MYO7B: variants seen among roughly 807,000 people sequenced by gnomAD.
The protein encoded by MYO7B is myosin VIIB.
In MYO7B, 212 loss-of-function variants were observed where a neutral mutation model predicts 259.7. The observed-to-expected ratio is 0.82, with a 90% confidence interval of 0.73 to 0.91. The LOEUF (loss-of-function observed/expected upper bound fraction) is 0.91, where lower values mean the gene tolerates loss of function less well. Among genes scored for constraint, MYO7B ranks in the 40% least tolerant of loss-of-function variants. The pLI, the probability that MYO7B is intolerant of heterozygous loss-of-function variation, is 0.00. For missense variants in MYO7B, 2,732 were observed against 2,813.5 expected, an observed-to-expected ratio of 0.97 and a Z score of 0.66; for synonymous variants, 1,197 against 1,166.4, an observed-to-expected ratio of 1.03 and a Z score of -0.54.
rs1366599523 is a variant in MYO7B at position 127,628,669 on chromosome 2, T to C, written c.4624+134T>C. The stretch of plus-strand genomic sequence containing the variant: ...GCAGAGGGAGGGAAGGCCCCAAAGC[T>C]CTGTGGGGGCAGCTTTAGGCAAGGC... On this transcript the variant is annotated intron_variant, in intron 34 of 47. Transcript: ENST00000409816. The surrounding 1 kb of genome is among the most constrained non-coding windows in gnomAD (Gnocchi z 4.8). 2.1e-6 allele frequency: 2 copies of C among 970,100 alleles called. No homozygotes were observed. Among genetic ancestry groups the C allele is most frequent in the Non-Finnish European group, 3.0e-6 (2 of 665,796 alleles). 60.1% of individuals were successfully genotyped at this position (970,100 alleles called of 1,614,324 possible). A position where few individuals can be genotyped will look rare whatever the true frequency, so the allele number is the denominator to read the frequency against.
At chr2:127,579,721 G>A (rs1332438868) in intron 9 of MYO7B, among the ~76,000 whole-genome samples, 1 of 152,122 alleles carries the variant, frequency 6.6e-6, no homozygotes, top group Non-Finnish European at 1.5e-5. Flanking sequence ...GAGTAGCTGG[G>A]ATTACAGGGG....
intron 15 of MYO7B, among the ~76,000 whole-genome samples, chr2:127,589,450 G>C (rs1679456605): frequency 6.6e-6 from 1 of 151,356 alleles, no homozygotes; most frequent in Admixed American, 6.6e-5. Context: ...GGGGGGTCCA[G>C]AGTTTAGATA....
intron 26 of MYO7B, among the ~76,000 whole-genome samples, chr2:127,616,997 T>C (rs796733095): frequency 2.6e-5 from 4 of 152,344 alleles, no homozygotes; most frequent in African/African-American, 9.6e-5. Flanking sequence ...TTTTCCTACA[T>C]TTATAACATT....
At position 127,630,913 on chromosome 2, in the gene MYO7B, C is replaced by T. The variant is rs1006731495; in HGVS notation, c.4937+5C>T. 1.0e-5 allele frequency: 16 copies of T among 1,562,706 alleles called. No homozygotes were observed. The highest frequency in any genetic ancestry group is 1.3e-5 in the Non-Finnish European group (15 of 1,153,604). ...GTTCTCCTATGAGTTCTTCAGGTGC[C>T]CCCCAGCCCCGCTCCGCCTCATTGC... On this transcript the variant is annotated splice_donor_5th_base_variant and intron_variant, in intron 36 of 47. Coordinates refer to ENST00000409816, the MANE Select transcript of MYO7B (RefSeq NM_001393586.1).
rs1263095211 is a variant in MYO7B at position 127,607,210 on chromosome 2, T to C, written c.2429T>C (p.Leu810Pro). The C allele has an allele frequency of 1.3e-6, 2 of 1,548,310 alleles. No homozygotes were observed. The highest frequency in any genetic ancestry group is 3.9e-5 in the Admixed American group (2 of 50,956). The part of the protein sequence containing the change: ...YCNRRNFKLI[L>P]VGFERLQAIA... ...ACCTCTCTCTTGCCTCCGCAGATCC[T>C]CGTGGGCTTTGAGCGCCTGCAGGCT... The change falls in exon 21 of 48, where the codon CTC (leucine) becomes CCC (proline). Residue 810 changes from leucine to proline, a missense_variant. Coordinates refer to ENST00000409816, the MANE Select transcript of MYO7B (RefSeq NM_001393586.1). This position sits in a 1 kb window ranked among gnomAD's most constrained non-coding sequence, Gnocchi z 4.4.
At position 127,578,187 on chromosome 2, in the gene MYO7B, C is replaced by T. The variant is rs377172629; in HGVS notation, c.904C>T (p.Arg302Cys). The T allele has an allele frequency of 2.2e-5, 36 of 1,613,746 alleles. No individual in the cohort carries two copies. Among genetic ancestry groups the T allele is most frequent in the South Asian group, 6.6e-5 (6 of 91,074 alleles). The change falls in exon 9 of 48, where the codon CGC becomes TGC. Residue 302 changes from arginine (R) to cysteine (C), a missense_variant. By Grantham distance (180) the Arg-to-Cys change is radical (BLOSUM62 -3). Transcript: ENST00000409816. ...LNDAKDYAHI[R>C]SAMKILQFSD... is the part of the protein sequence containing the mutation. ...CGACGCCAAGGACTACGCCCACATC[C>T]GCTCGGCCATGAAGATCCTCCAGTT...
At chr2:127,588,617 T>C in intron 15 of MYO7B, 62 bp downstream of exon 15, 1 of 1,588,358 alleles carries the variant, frequency 6.3e-7, no homozygotes, top group South Asian at 1.1e-5. Context: ...CAGACAGACA[T>C]GTACAGGAAA....
At chr2:127,620,255 G>A (rs1209429582) in intron 26 of MYO7B, 85 bp from the exon 27 acceptor site, 2 of 1,503,068 alleles carry the variant, frequency 1.3e-6, no homozygotes, top group African/African-American at 1.4e-5. Context: ...TCTCAGAGGT[G>A]CACAAGAGCT....
chr2:127,579,199 T>C (rs768271872), intron 9 of MYO7B, among the ~76,000 whole-genome samples: 42 of 152,022 alleles, frequency 2.8e-4, no homozygotes, highest in Non-Finnish European at 4.9e-4. Flanking sequence ...ACACCTTTCA[T>C]TGGAGTCCTA....
chr2:127,636,268 T>C lies in MYO7B; in HGVS notation c.6067T>C (p.Phe2023Leu). Residue 2023 changes from phenylalanine (F) to leucine (L), a missense_variant, in exon 45 of 48, where the codon TTC becomes CTC. This residue lies in a region of MYO7B where 821 missense variants were observed against 769.3 expected (regional missense o/e 1.07). Transcript: ENST00000409816. This position sits in a 1 kb window ranked among gnomAD's most constrained non-coding sequence, Gnocchi z 4.5. ...GACAGTGGAGGAGGCCAAGGTGGCC[T>C]TCCTGAAGTGGATCTGCCGGTGGCC... Reference protein sequence around the residue: ...DKTVEEAKVAFLKWICRWPTF... With the variant: ...DKTVEEAKVALLKWICRWPTF... 1.9e-6 allele frequency: 3 copies of C among 1,613,652 alleles called. No individual in the cohort carries two copies. The highest frequency in any genetic ancestry group is 2.2e-5 in the East Asian group (1 of 44,872).
At position 127,614,611 on chromosome 2, in the gene MYO7B, G is replaced by A. The variant is rs1184278372; in HGVS notation, c.3398+2008G>A. On this transcript the variant is annotated intron_variant, in intron 26 of 47. Coordinates refer to ENST00000409816, the MANE Select transcript of MYO7B (RefSeq NM_001393586.1). This position sits in a 1 kb window ranked among gnomAD's most constrained non-coding sequence, Gnocchi z 4.6. Reference sequence around the variant, plus strand: ...CTAGTACCCTGGGAGGTGGCAAATGGGCTTCTGGAGCTCAGCAGGCATCAG... The same window carrying A: ...CTAGTACCCTGGGAGGTGGCAAATGAGCTTCTGGAGCTCAGCAGGCATCAG... 6.6e-6 allele frequency among the ~76,000 whole-genome samples: 1 copy of A among 152,110 alleles called. No homozygotes were observed.
intron 24 of MYO7B, among the ~76,000 whole-genome samples, chr2:127,610,682 C>T (rs1405769640): frequency 6.6e-6 from 1 of 152,236 alleles, no homozygotes; most frequent in Non-Finnish European, 1.5e-5. Context: ...ACTCAGTGGC[C>T]CGCCAGTGGC....
intron 8 of MYO7B, 116 bp from the exon 9 acceptor site, chr2:127,578,017 G>C (rs948982641): frequency 1.2e-5 from 15 of 1,226,570 alleles, no homozygotes; most frequent in Admixed American, 2.5e-5. Context: ...TTTGAGCGTG[G>C]ACCCTACGTG....
chr2:127,632,503 A>C, intron 39 of MYO7B, 102 bp downstream of exon 39: 1 of 1,395,504 alleles, frequency 7.2e-7, no homozygotes, highest in Non-Finnish European at 9.6e-7. Context: ...TCCTGGGAGG[A>C]CTCTCCAGAA....
Position 127,582,338 on chromosome 2 carries a change from A to C in MYO7B, c.1235A>C (p.Lys412Thr). ...GGGCACCTCTTCCTGTGGATTGTCA[A>C]GAAGATCAATGCCGCCATCTTCACA... is the stretch of plus-strand genomic sequence containing the variant. ...IYGHLFLWIV[K>T]KINAAIFTPP... Residue 412 changes from lysine (K) to threonine (T), a missense_variant, in exon 12 of 48, where the codon AAG becomes ACG. Coordinates refer to ENST00000409816, the MANE Select transcript of MYO7B (RefSeq NM_001393586.1). The C allele has an allele frequency of 6.2e-7, 1 of 1,613,292 alleles. No individual in the cohort carries two copies. Among genetic ancestry groups the C allele is most frequent in the Non-Finnish European group, 8.5e-7 (1 of 1,179,672 alleles).
intron 12 of MYO7B, among the ~76,000 whole-genome samples, chr2:127,583,684 G>A (rs1043930889): frequency 5.9e-5 from 9 of 152,320 alleles, no homozygotes; most frequent in South Asian, 2.1e-4. Flanking sequence ...GCAGTAGGGC[G>A]TATGCCTGGT....
chr2:127,630,299 C>T (rs568705874), intron 35 of MYO7B, among the ~76,000 whole-genome samples: 65 of 152,164 alleles, frequency 4.3e-4, no homozygotes, highest in Non-Finnish European at 7.8e-4. Context: ...GACATTTGGG[C>T]AGATAATGAC....
At chr2:127,600,713 A>AAAAAC (rs374373048) in intron 19 of MYO7B, among the ~76,000 whole-genome samples, 3 of 152,232 alleles carry the variant, frequency 2.0e-5, no homozygotes, top group Non-Finnish European at 4.4e-5. Flanking sequence ...TCTGTCTCAA[A>AAAAAC]AAAACAAAAC....
intron 26 of MYO7B, among the ~76,000 whole-genome samples, chr2:127,617,588 C>T (rs1223068171): frequency 2.8e-5 from 4 of 144,170 alleles, no homozygotes; most frequent in Non-Finnish European, 6.0e-5. Context: ...CTGCAAGCTC[C>T]GCTTCCCAGG....
Sources: allele counts gnomAD v4.1 joint callset (sites outside exome capture counted in the v4.1 genomes callset), GRCh38; gene constraint gnomAD v4.1.1; regional missense constraint gnomAD v4.1.1; non-coding constraint Gnocchi (gnomAD v3.1); transcripts MANE v1.5; gene names NCBI Gene and HGNC (gene_info 2026-07-23, HGNC 2026-07-21).